Variants in RUFY3 observed in about 807,000 individuals in gnomAD.
The protein encoded by RUFY3 is protein RUFY3.
RUFY3 carries 34 observed loss-of-function variants against 84.0 expected under a neutral mutation model. That is an observed-to-expected ratio of 0.40 (90% CI 0.31 to 0.54). The LOEUF is 0.54. Ranked by LOEUF, RUFY3 falls within the 20% of genes least tolerant of loss-of-function variation. RUFY3 has a pLI of 0.39. For missense variants in RUFY3, 507 were observed against 736.8 expected (o/e 0.69, Z 3.61); for synonymous variants, 242 against 252.9 (o/e 0.96, Z 0.41).
intron 17 of RUFY3, among the ~76,000 whole-genome samples, chr4:70,804,747 C>T (rs1382026434): frequency 7.5e-6 from 1 of 133,394 alleles, no homozygotes; most frequent in Non-Finnish European, 1.6e-5. Flanking sequence ...AAAACCCCGT[C>T]TGTACTAAAA....
chr4:70,774,614 CAAAAAAAAAAAAAAA>C (rs1172638290), intron 6 of RUFY3, among the ~76,000 whole-genome samples: 415 of 22,028 alleles, frequency 0.019, 3 homozygotes, highest in Admixed American at 0.025. Context: ...GACTCTGCCT[CAAAAAAAAAAAAAAA>C]AAAAAAAAAA....
chr4:70,740,590 C>T (rs1721176795), intron 1 of RUFY3, among the ~76,000 whole-genome samples: 1 of 152,086 alleles, frequency 6.6e-6, no homozygotes, highest in Non-Finnish European at 1.5e-5. Context: ...TTTGCAAGGT[C>T]ACAGCAAGTC....
upstream of RUFY3, chr4:70,704,547 G>A (rs547416068): frequency 4.5e-4 from 75 of 165,906 alleles, no homozygotes; most frequent in Admixed American, 7.0e-4. Flanking sequence ...AGCGGGGGCG[G>A]GTAAGGAAGA....
chr4:70,793,768 A>G lies in RUFY3; in HGVS notation c.1338-17A>G, dbSNP rs748147468. 12 of 1,613,686 alleles carry G rather than the reference A, an allele frequency of 7.4e-6. 1 individual carries two copies. The highest frequency in any genetic ancestry group is 1.6e-4 in the Middle Eastern group (1 of 6,064). On this transcript the variant is annotated splice_polypyrimidine_tract_variant and intron_variant, in intron 12 of 17. Coordinates refer to ENST00000381006, the MANE Select transcript of RUFY3 (RefSeq NM_001037442.4). ...GGCTTTTGTTTTTTATCACAAGTTC[A>G]TGTGGCTCACATCCAGATTGCGCCA...
intron 12 of RUFY3, 162 bp from the exon 13 acceptor site, chr4:70,793,623 T>TC (rs796149018): frequency 3.1e-5 from 46 of 1,485,650 alleles, no homozygotes; most frequent in Non-Finnish European, 3.3e-5. Context: ...CTCCATCTTT[T>TC]CCCCCCCATA....
At chr4:70,765,205 A>G (rs1560515721) in intron 4 of RUFY3, among the ~76,000 whole-genome samples, 42 of 130,908 alleles carry the variant, frequency 3.2e-4, no homozygotes, top group African/African-American at 1.2e-3. Context: ...AAAAAAAAAA[A>G]TGTGTATATA....
chr4:70,766,726 C>T (rs1238965842), intron 4 of RUFY3, among the ~76,000 whole-genome samples: 1 of 152,162 alleles, frequency 6.6e-6, no homozygotes, highest in Non-Finnish European at 1.5e-5. Context: ...TACATTGACA[C>T]ATCATTATCT....
chr4:70,720,469 C>T (rs1742141313), upstream of RUFY3, among the ~76,000 whole-genome samples: 3 of 152,214 alleles, frequency 2.0e-5, no homozygotes, highest in Non-Finnish European at 4.4e-5. Context: ...TAGGCATGAG[C>T]CACCGCGCCC....
chr4:70,753,916 A>G (rs549882023), intron 1 of RUFY3, among the ~76,000 whole-genome samples: 2 of 152,340 alleles, frequency 1.3e-5, no homozygotes, highest in African/African-American at 2.4e-5. Flanking sequence ...CTGAAGTCAT[A>G]TAATAGGTTA....
chr4:70,731,216 T>C (rs1719218711), intron 1 of RUFY3, among the ~76,000 whole-genome samples: 2 of 152,004 alleles, frequency 1.3e-5, no homozygotes, highest in Non-Finnish European at 1.5e-5. Flanking sequence ...TTTTGTACTT[T>C]AGTAAAGAAG....
intron 1 of RUFY3, among the ~76,000 whole-genome samples, chr4:70,712,689 A>C (rs1741120373): frequency 6.6e-6 from 1 of 152,236 alleles, no homozygotes; most frequent in Non-Finnish European, 1.5e-5. Flanking sequence ...GAAGTGTAGC[A>C]GAATAAACTG....
At chr4:70,725,835 C>T (rs1467080199) in intron 1 of RUFY3, among the ~76,000 whole-genome samples, 1 of 152,148 alleles carries the variant, frequency 6.6e-6, no homozygotes, top group African/African-American at 2.4e-5. Context: ...TGAGCTGGCC[C>T]AGCCAGGGAA....
chr4:70,792,275 T>A, intron 12 of RUFY3: 1 of 984,076 alleles, frequency 1.0e-6, no homozygotes, highest in Non-Finnish European at 1.2e-6. Flanking sequence ...TCTGTTACTT[T>A]TTGTTCAGAT....
chr4:70,708,639 G>A (rs1359621009), intron 1 of RUFY3, among the ~76,000 whole-genome samples: 1 of 152,150 alleles, frequency 6.6e-6, no homozygotes, highest in Non-Finnish European at 1.5e-5. Context: ...GTGTATTAAG[G>A]TGGTATTATC....
At chr4:70,775,122 T>A in intron 6 of RUFY3, 46 bp from the exon 7 acceptor site, 1 of 1,454,392 alleles carries the variant, frequency 6.9e-7, no homozygotes, top group Non-Finnish European at 9.5e-7. Context: ...ATCTTGGTAT[T>A]TCTTATGTTA....
At chr4:70,792,370 T>C in intron 12 of RUFY3, 1 of 958,672 alleles carries the variant, frequency 1.0e-6, no homozygotes, top group Non-Finnish European at 1.2e-6. Flanking sequence ...TAAACTTATA[T>C]TCTTTATTAT....
chr4:70,751,588 T>C (rs1285348083), intron 1 of RUFY3, among the ~76,000 whole-genome samples: 2 of 152,234 alleles, frequency 1.3e-5, no homozygotes, highest in Non-Finnish European at 2.9e-5. Context: ...CCCATTCTTT[T>C]TTACTAGGAT....
upstream of RUFY3, among the ~76,000 whole-genome samples, chr4:70,721,185 G>A (rs1349094982): frequency 6.6e-6 from 1 of 151,966 alleles, no homozygotes; most frequent in Non-Finnish European, 1.5e-5. Flanking sequence ...GGTGGTGGGT[G>A]CCTGTAATCC....
chr4:70,705,216 T>TC lies in RUFY3; in HGVS notation c.285dup (p.Gly96ArgfsTer27). ...GCAGCGCTCCTGGAGGACCCCGCCG[T>TC]CCCCCGGCTCACCGCTGCCCTTCCT... On this transcript the variant is annotated frameshift_variant, in exon 1 of 12. Transcript: ENST00000417478. LOFTEE classifies it high-confidence loss of function. The TC allele has an allele frequency of 6.9e-7, 1 of 1,459,540 alleles. No individual in the cohort carries two copies. The highest frequency in any genetic ancestry group is 3.1e-5 in the East Asian group (1 of 32,684). The allele number at this position is 1,459,540 out of a possible 1,614,324, so 90.4% of individuals were successfully genotyped here. A position where few individuals can be genotyped will look rare whatever the true frequency, so the allele number is the denominator to read the frequency against.
Sources: gnomAD v4.1 joint callset for allele counts (sites outside exome capture counted in the v4.1 genomes callset) on GRCh38, gnomAD v4.1.1 for gene constraint, MANE v1.5 for transcripts, NCBI Gene and HGNC (gene_info 2026-07-23, HGNC 2026-07-21) for gene names.